The following DAB1 variants were observed in gnomAD, a reference collection of about 807,000 sequenced individuals.
DAB1 encodes the protein disabled homolog 1.
In DAB1, 15 loss-of-function variants were observed where a neutral mutation model predicts 64.6. The ratio of observed to expected loss-of-function variants is 0.23; its 90% CI spans 0.16 to 0.36. DAB1 has a LOEUF of 0.36. DAB1 is among the 10% of genes least tolerant of loss of function. The pLI is 1.00. For missense variants in DAB1, 596 were observed against 706.7 expected (o/e 0.84, Z 1.78); for synonymous variants, 235 against 251.9 (o/e 0.93, Z 0.64).
chr1:57,553,841 G>A (rs1010657013), intron 7 of DAB1, among the ~76,000 whole-genome samples: 2 of 152,100 alleles, frequency 1.3e-5, no homozygotes, highest in African/African-American at 2.4e-5. Flanking sequence ...CCTGGCCAGA[G>A]CTGGTTCAGG....
At chr1:58,312,738 T>C (rs918664563) in intron 4 of DAB1, among the ~76,000 whole-genome samples, 2 of 152,154 alleles carry the variant, frequency 1.3e-5, no homozygotes, top group African/African-American at 4.8e-5. Flanking sequence ...GAACATGGAC[T>C]CTATTCTGGG....
rs1295620920 is a variant in DAB1, at chr1:58,473,541, CAAAA to C, written n.257+32515_257+32518del. ...TGGGCGACAGAGCAAGACTCCGTCT[CAAAA>C]AAATAAATAAATAAATAAATAAATA... On this transcript the variant is annotated intron_variant and non_coding_transcript_variant, in intron 3 of 20. Transcript: ENST00000485760. Among the ~76,000 whole-genome samples, 23 of 115,302 alleles carry C rather than the reference CAAAA, an allele frequency of 2.0e-4. No homozygotes were observed. In the South Asian group the frequency reaches 2.4e-3, roughly 12 times the overall value. 75.6% of individuals were successfully genotyped at this position (115,302 alleles called of 152,430 possible). A position where few individuals can be genotyped will look rare whatever the true frequency, so the allele number is the denominator to read the frequency against.
At chr1:57,975,975 C>T (rs571233673) in intron 5 of DAB1, among the ~76,000 whole-genome samples, 116 of 152,176 alleles carry the variant, frequency 7.6e-4, no homozygotes, top group African/African-American at 2.2e-4. Flanking sequence ...CTGTCAACAT[C>T]GGAGACTTCT....
chr1:58,169,873 C>G (rs887575648), intron 4 of DAB1, among the ~76,000 whole-genome samples: 1 of 152,136 alleles, frequency 6.6e-6, no homozygotes, highest in African/African-American at 2.4e-5. Flanking sequence ...TGGCCCGACC[C>G]AGGTACATGT....
intron 5 of DAB1, among the ~76,000 whole-genome samples, chr1:58,072,183 A>G (rs1649317084): frequency 6.6e-6 from 1 of 151,976 alleles, no homozygotes; most frequent in African/African-American, 2.4e-5. Flanking sequence ...TTCCTTCTTT[A>G]TACTTTTTTC....
chr1:57,085,119 G>C (rs1312744160), intron 4 of DAB1, among the ~76,000 whole-genome samples: 1 of 152,150 alleles, frequency 6.6e-6, no homozygotes, highest in Non-Finnish European at 1.5e-5. Flanking sequence ...TCTACCATTT[G>C]CCTGTTAGAG....
rs183272789 is a variant in DAB1 at position 57,342,071 on chromosome 1, G to A, written c.-136-50905C>T. On this transcript the variant is annotated intron_variant, in intron 1 of 14. Coordinates refer to ENST00000371236, the MANE Select transcript of DAB1 (RefSeq NM_001365792.1). ...ATGCCAATGGAGGAAATTGAGACAG[G>A]GTTAAGTTACTGACTTATACATAGT... Among the ~76,000 whole-genome samples, 265 of 152,260 alleles carry A rather than the reference G, an allele frequency of 1.7e-3. 6 individuals carry two copies. The highest frequency in any genetic ancestry group is 3.4e-4 in the Non-Finnish European group (23 of 68,022).
At chr1:58,198,979 T>C (rs12138552) in intron 4 of DAB1, among the ~76,000 whole-genome samples, 3 of 152,100 alleles carry the variant, frequency 2.0e-5, no homozygotes, top group Admixed American at 1.3e-4. Context: ...CGGTGGCGCA[T>C]GCCTGTAGTC....
chr1:57,507,751 G>A (rs1012257252), intron 7 of DAB1, among the ~76,000 whole-genome samples: 2 of 152,192 alleles, frequency 1.3e-5, no homozygotes, highest in Admixed American at 1.3e-4. Flanking sequence ...GACCTCATCA[G>A]TTAGTATCTC....
At chr1:57,282,182 CAAAAAAA>C (rs61512431) in intron 2 of DAB1, among the ~76,000 whole-genome samples, 1,009 of 92,772 alleles carry the variant, frequency 0.011, 27 homozygotes, top group East Asian at 0.095. Flanking sequence ...GCCTTCTTCT[CAAAAAAA>C]AAAAAAAAAA....
intron 5 of DAB1, chr1:58,084,310 A>AAATGATG (rs1222645338): frequency 6.6e-6 from 1 of 152,122 alleles, no homozygotes; most frequent in Non-Finnish European, 1.5e-5. Flanking sequence ...TGAGGGGCTT[A>AAATGATG]AATGATGTTC....
At chr1:57,320,533 A>T (rs1570268787) in intron 1 of DAB1, among the ~76,000 whole-genome samples, 1 of 151,506 alleles carries the variant, frequency 6.6e-6, no homozygotes, top group East Asian at 1.9e-4. Flanking sequence ...AGAATCAAAG[A>T]TTCTATATAA....
chr1:57,547,818 T>C (rs567065258), intron 7 of DAB1, among the ~76,000 whole-genome samples: 1 of 152,312 alleles, frequency 6.6e-6, no homozygotes, highest in South Asian at 2.1e-4. Flanking sequence ...AGAAACTGAG[T>C]GACGAGTACA....
chr1:57,097,367 C>A (rs1654258115), intron 4 of DAB1, among the ~76,000 whole-genome samples: 1 of 152,192 alleles, frequency 6.6e-6, no homozygotes, highest in Non-Finnish European at 1.5e-5. Context: ...TGAGCCCGAG[C>A]TGATGGATGC....
intron 5 of DAB1, among the ~76,000 whole-genome samples, chr1:58,051,799 T>C (rs1361271559): frequency 4.6e-5 from 7 of 152,368 alleles, no homozygotes; most frequent in African/African-American, 1.7e-4. Flanking sequence ...TGATGACCAG[T>C]GACGATGAGC....
chr1:57,118,974 TG>T (rs2100746371), intron 4 of DAB1, among the ~76,000 whole-genome samples: 1 of 152,316 alleles, frequency 6.6e-6, no homozygotes, highest in African/African-American at 2.4e-5. Flanking sequence ...TAAGTGACAG[TG>T]TCAGTTACTA....
intron 5 of DAB1, among the ~76,000 whole-genome samples, chr1:58,086,064 C>T (rs888550100): frequency 6.1e-5 from 9 of 146,448 alleles, no homozygotes; most frequent in East Asian, 2.1e-4. Context: ...CCCAGGTTCA[C>T]GCCATTCTCC....
At chr1:58,213,539 G>A (rs565020197) in intron 4 of DAB1, among the ~76,000 whole-genome samples, 23 of 152,182 alleles carry the variant, frequency 1.5e-4, no homozygotes, top group African/African-American at 5.3e-4. Flanking sequence ...AAAACCACCA[G>A]ATCATGTGAG....
At chr1:57,218,539 A>C (rs560615350) in intron 2 of DAB1, among the ~76,000 whole-genome samples, 3,309 of 148,324 alleles carry the variant, frequency 0.022, 30 homozygotes, top group Non-Finnish European at 0.035. Flanking sequence ...AAAAAAAAAA[A>C]AAAACAGAAA....
Sources: allele counts gnomAD v4.1 joint callset (sites outside exome capture counted in the v4.1 genomes callset), GRCh38; gene constraint gnomAD v4.1.1; transcripts MANE v1.5; gene names NCBI Gene and HGNC (gene_info 2026-07-23, HGNC 2026-07-21).